Variants in KDM4C observed in about 807,000 individuals in gnomAD.
KDM4C encodes lysine-specific demethylase 4C.
In KDM4C, 81 loss-of-function variants were observed where a neutral mutation model predicts 129.3. The observed-to-expected ratio is 0.63, with a 90% CI of 0.52 to 0.75. KDM4C has a LOEUF of 0.75. KDM4C is among the 30% of genes least tolerant of loss of function. KDM4C has a pLI of 0.00. For synonymous variants in KDM4C, 573 were observed against 456.1 expected (o/e 1.26, Z -3.26); for missense variants, 1,457 against 1,304.0 (o/e 1.12, Z -1.81).
At chr9:6,819,883 CTGGTTTCTCG>C (rs1832726409) in intron 4 of KDM4C, among the ~76,000 whole-genome samples, 1 of 152,146 alleles carries the variant, frequency 6.6e-6, no homozygotes, top group South Asian at 2.1e-4. Flanking sequence ...GTACCAAGAA[CTGGTTTCTCG>C]TGGTTCATGG....
chr9:6,949,597 G>A (rs1365666138), intron 8 of KDM4C, among the ~76,000 whole-genome samples: 1 of 152,234 alleles, frequency 6.6e-6, no homozygotes, highest in African/African-American at 2.4e-5. Context: ...CCGGCACCTC[G>A]GGAGGCCGAG....
chr9:6,970,268 G>C (rs1242244683), intron 8 of KDM4C, among the ~76,000 whole-genome samples: 1 of 152,164 alleles, frequency 6.6e-6, no homozygotes, highest in Non-Finnish European at 1.5e-5. Flanking sequence ...GCCCTGTTAA[G>C]TTTCCCAAAA....
intron 2 of KDM4C, among the ~76,000 whole-genome samples, chr9:6,802,794 A>G (rs1829254507): frequency 6.6e-6 from 1 of 152,200 alleles, no homozygotes. Flanking sequence ...TTTAGTAGAG[A>G]TGGGGTTTCA....
At chr9:6,723,023 A>G (rs544250482) in intron 1 of KDM4C, among the ~76,000 whole-genome samples, 1 of 152,138 alleles carries the variant, frequency 6.6e-6, no homozygotes, top group South Asian at 2.1e-4. Context: ...AAACAAAAAC[A>G]ACAAAACTCA....
intron 8 of KDM4C, among the ~76,000 whole-genome samples, chr9:6,953,323 G>A (rs564372237): frequency 6.6e-6 from 1 of 152,150 alleles, no homozygotes; most frequent in Admixed American, 6.5e-5. Flanking sequence ...AGGCTTTCCC[G>A]CCTTTATTTT....
intron 8 of KDM4C, among the ~76,000 whole-genome samples, chr9:6,958,716 A>G (rs887382811): frequency 8.1e-6 from 1 of 124,222 alleles, no homozygotes; most frequent in African/African-American, 3.6e-5. Context: ...ACAGGGTCTC[A>G]CTCTGTTACC....
chr9:6,775,813 G>A (rs897238688), intron 1 of KDM4C, among the ~76,000 whole-genome samples: 2 of 152,152 alleles, frequency 1.3e-5, no homozygotes, highest in African/African-American at 2.4e-5. Context: ...GAGCCACTGC[G>A]CCCAGCGACA....
intron 13 of KDM4C, among the ~76,000 whole-genome samples, chr9:7,012,614 G>A (rs1822913966): frequency 6.6e-6 from 1 of 152,120 alleles, no homozygotes; most frequent in Non-Finnish European, 1.5e-5. Flanking sequence ...AAATTTTCCA[G>A]TTCATCCTCA....
intron 1 of KDM4C, among the ~76,000 whole-genome samples, chr9:6,783,815 A>G (rs1284973405): frequency 3.9e-5 from 6 of 152,172 alleles, no homozygotes. Flanking sequence ...TTCTGGAGTG[A>G]TTTCAATCCA....
At chr9:7,169,188 C>A (rs933188321) in intron 20 of KDM4C, among the ~76,000 whole-genome samples, 1 of 151,872 alleles carries the variant, frequency 6.6e-6, no homozygotes, top group Non-Finnish European at 1.5e-5. Flanking sequence ...GAATTTCCCA[C>A]AGTCTCATGT....
intron 15 of KDM4C, among the ~76,000 whole-genome samples, chr9:7,030,263 A>G (rs1001986260): frequency 6.6e-6 from 1 of 152,318 alleles, no homozygotes; most frequent in Non-Finnish European, 1.5e-5. Flanking sequence ...GGTAAGAGAA[A>G]TATAGAAGAA....
chr9:6,987,293 T>C (rs1817895342), intron 11 of KDM4C, among the ~76,000 whole-genome samples: 2 of 152,184 alleles, frequency 1.3e-5, no homozygotes, highest in Admixed American at 1.3e-4. Flanking sequence ...AAAGAGGCCC[T>C]TTGCCTCTGA....
At chr9:7,091,756 G>C (rs1054619530) in intron 17 of KDM4C, among the ~76,000 whole-genome samples, 1 of 152,156 alleles carries the variant, frequency 6.6e-6, no homozygotes, top group African/African-American at 2.4e-5. Flanking sequence ...GGAAGCAAGG[G>C]TTGAAGAACG....
At chr9:7,022,331 A>T (rs928197452) in intron 15 of KDM4C, among the ~76,000 whole-genome samples, 1 of 152,106 alleles carries the variant, frequency 6.6e-6, no homozygotes, top group African/African-American at 2.4e-5. Context: ...AATTTTTTGC[A>T]TCAGTGTTTT....
At chr9:6,873,662 G>A (rs576059518) in intron 5 of KDM4C, among the ~76,000 whole-genome samples, 2 of 152,260 alleles carry the variant, frequency 1.3e-5, no homozygotes, top group Admixed American at 6.5e-5. Context: ...AAATGTTGCT[G>A]GTTTGATCTT....
intron 12 of KDM4C, among the ~76,000 whole-genome samples, chr9:6,991,938 G>A (rs894349634): frequency 2.0e-5 from 3 of 152,040 alleles, no homozygotes; most frequent in African/African-American, 7.2e-5. Context: ...ACCAATCCAG[G>A]GTTGAATTCT....
intron 1 of KDM4C, chr9:6,734,987 G>C: frequency 1.8e-6 from 1 of 562,194 alleles, no homozygotes; most frequent in Non-Finnish European, 3.5e-6. Flanking sequence ...CCACACTCAA[G>C]TTGATAGGGT....
At chr9:6,865,731 A>AT (rs761630591) in intron 5 of KDM4C, among the ~76,000 whole-genome samples, 11 of 145,608 alleles carry the variant, frequency 7.6e-5, no homozygotes, top group South Asian at 2.2e-4. Flanking sequence ...TGCCTAGCTA[A>AT]TTTTTTTTTA....
chr9:6,798,169 T>C (rs970333046), intron 2 of KDM4C, among the ~76,000 whole-genome samples: 12 of 152,316 alleles, frequency 7.9e-5, no homozygotes, highest in African/African-American at 2.6e-4. Context: ...TGGATTTTTG[T>C]AAGTTTATTG....
Sources: allele counts gnomAD v4.1 joint callset (sites outside exome capture counted in the v4.1 genomes callset), GRCh38; gene constraint gnomAD v4.1.1; transcripts MANE v1.5; gene names NCBI Gene and HGNC (gene_info 2026-07-23, HGNC 2026-07-21).